Variants in DYNC2I1 observed in about 807,000 individuals in gnomAD.
DYNC2I1 encodes dynein 2 intermediate chain 1.
A neutral mutation model predicts 133.4 loss-of-function variants in DYNC2I1; 89 were observed. The observed-to-expected ratio is 0.67, with a 90% CI of 0.56 to 0.80. The LOEUF (loss-of-function observed/expected upper bound fraction) is 0.80, where lower values mean the gene tolerates loss of function less well. Ranked by LOEUF, DYNC2I1 falls within the 30% of genes least tolerant of loss-of-function variation. The pLI, the probability that DYNC2I1 is intolerant of heterozygous loss-of-function variation, is 0.00. For missense variants in DYNC2I1, 1,291 were observed against 1,314.5 expected, an observed-to-expected ratio of 0.98 and a Z score of 0.28; for synonymous variants, 504 against 484.3, an observed-to-expected ratio of 1.04 and a Z score of -0.54.
intron 5 of DYNC2I1, among the ~76,000 whole-genome samples, chr7:158,883,391 T>A (rs1445537217): frequency 6.6e-6 from 1 of 150,490 alleles, no homozygotes; most frequent in African/African-American, 2.4e-5. Flanking sequence ...TATTTTTTTT[T>A]TTTTTGTATT....
chr7:158,886,891 G>T, intron 6 of DYNC2I1, 130 bp from the exon 7 acceptor site: 1 of 839,396 alleles, frequency 1.2e-6, no homozygotes. Context: ...GCAAGTCATC[G>T]CTCCTGGTTG....
At chr7:158,915,213 TA>T (rs1299497641) in intron 14 of DYNC2I1, among the ~76,000 whole-genome samples, 3 of 149,940 alleles carry the variant, frequency 2.0e-5, no homozygotes. Flanking sequence ...TGGTTGACAT[TA>T]AGGATGACTG....
At chr7:158,892,711 C>T (rs1168444206) in intron 8 of DYNC2I1, among the ~76,000 whole-genome samples, 1 of 151,870 alleles carries the variant, frequency 6.6e-6, no homozygotes, top group African/African-American at 2.4e-5. Flanking sequence ...CTTGGGAGGC[C>T]GAGGTGGGTG....
Position 158,890,371 on chromosome 7 carries a change from A to G in DYNC2I1, c.991-894A>G, listed in dbSNP as rs144430570. ...ATGTGTTTTTTTCTAGAAAAATTTC[A>G]GTTGATTGTGAATGTATCTAACAGC... On this transcript the variant is annotated intron_variant, in intron 7 of 24. Transcript: ENST00000407559. Among the ~76,000 whole-genome samples, 197 of 152,042 alleles carry G rather than the reference A, an allele frequency of 1.3e-3. 2 individuals are homozygous for G. Among genetic ancestry groups the G allele is most frequent in the Non-Finnish European group, 1.1e-3 (78 of 67,998 alleles).
At chr7:158,867,162 G>A (rs1286415148) in intron 1 of DYNC2I1, among the ~76,000 whole-genome samples, 5 of 152,096 alleles carry the variant, frequency 3.3e-5, no homozygotes, top group Admixed American at 6.5e-5. Flanking sequence ...CTTAGCTGAG[G>A]TTAGGTTTAT....
chr7:158,883,581 C>T (rs1844273319), intron 5 of DYNC2I1, among the ~76,000 whole-genome samples: 1 of 144,482 alleles, frequency 6.9e-6, no homozygotes, highest in African/African-American at 2.6e-5. Flanking sequence ...AAGCTTCCTC[C>T]AGTTATCAAT....
the DYNC2I1 span, among the ~76,000 whole-genome samples, chr7:158,845,456 T>A: frequency 6.6e-6 from 1 of 152,266 alleles, no homozygotes; most frequent in Admixed American, 6.5e-5. Flanking sequence ...AGTGGTTTCA[T>A]ACTTAACCGT....
chr7:158,948,364 C>T (rs982367209), downstream of DYNC2I1, among the ~76,000 whole-genome samples: 4 of 152,228 alleles, frequency 2.6e-5, no homozygotes, highest in African/African-American at 9.6e-5. Context: ...ATTTAATTTT[C>T]TCTTTTTCAG....
At chr7:158,905,757 G>A (rs906822970) in intron 10 of DYNC2I1, among the ~76,000 whole-genome samples, 1 of 152,174 alleles carries the variant, frequency 6.6e-6, no homozygotes, top group African/African-American at 2.4e-5. Flanking sequence ...CTTTAATAGT[G>A]TGAGTGGCAC....
At chr7:158,856,067 G>A (rs1002146389), upstream of DYNC2I1, among the ~76,000 whole-genome samples, 5 of 149,764 alleles carry the variant, frequency 3.3e-5, no homozygotes, top group East Asian at 2.0e-4. Context: ...TCAGCCTCCC[G>A]AGTAGCTGGG....
At chr7:158,873,518 T>A (rs1252756964) in intron 3 of DYNC2I1, among the ~76,000 whole-genome samples, 1 of 152,238 alleles carries the variant, frequency 6.6e-6, no homozygotes, top group East Asian at 1.9e-4. Context: ...GGTGTTCATA[T>A]ATGTGCGTTT....
chr7:158,944,258 T>C, intron 24 of DYNC2I1, among the ~76,000 whole-genome samples: 1 of 152,028 alleles, frequency 6.6e-6, no homozygotes, highest in East Asian at 2.0e-4. Context: ...GGCCCAACTT[T>C]TGCTTTTGTC....
chr7:158,910,299 G>C (rs935495172), intron 11 of DYNC2I1, among the ~76,000 whole-genome samples: 11 of 152,236 alleles, frequency 7.2e-5, no homozygotes, highest in African/African-American at 2.4e-4. Flanking sequence ...TGTCAGGCCT[G>C]TGGGTGCAGG....
intron 10 of DYNC2I1, chr7:158,903,497 G>A (rs1846438667): frequency 6.6e-6 from 1 of 152,184 alleles, no homozygotes; most frequent in African/African-American, 2.4e-5. Flanking sequence ...TACAAATGAA[G>A]GTTTTGCAGA....
the DYNC2I1 span, among the ~76,000 whole-genome samples, chr7:158,850,617 C>T: frequency 1.3e-5 from 2 of 152,176 alleles, no homozygotes; most frequent in South Asian, 2.1e-4. Context: ...GAATGTTGCT[C>T]GGGACAAATC....
At chr7:158,934,360 G>A (rs1850538056) in intron 22 of DYNC2I1, 58 bp from the exon 23 acceptor site, 7 of 1,571,688 alleles carry the variant, frequency 4.5e-6, no homozygotes, top group Non-Finnish European at 4.3e-6. Flanking sequence ...AACAGTAGCT[G>A]TATCCAATCT....
At chr7:158,904,706 T>C in intron 10 of DYNC2I1, 1 of 156,552 alleles carries the variant, frequency 6.4e-6, no homozygotes, top group Non-Finnish European at 1.4e-5. Flanking sequence ...CTTATCACAG[T>C]CCTGTACGGC....
intron 1 of DYNC2I1, 27 bp downstream of exon 1, chr7:158,856,777 G>A (rs1841277360): frequency 8.1e-7 from 1 of 1,233,888 alleles, no homozygotes; most frequent in Admixed American, 4.2e-5. Context: ...GTCTGGGCGA[G>A]GGGTGGTCGA....
intron 7 of DYNC2I1, among the ~76,000 whole-genome samples, chr7:158,888,809 G>A (rs768722094): frequency 1.4e-4 from 22 of 151,956 alleles, no homozygotes; most frequent in Non-Finnish European, 2.9e-5. Context: ...TTCTATGTCC[G>A]TACACAAACA....
Sources: gnomAD v4.1 joint callset for allele counts (sites outside exome capture counted in the v4.1 genomes callset) on GRCh38, gnomAD v4.1.1 for gene constraint, MANE v1.5 for transcripts, NCBI Gene and HGNC (gene_info 2026-07-23, HGNC 2026-07-21) for gene names.